Variants in TAS2R1 observed in about 807,000 individuals in gnomAD.
TAS2R1 encodes taste receptor type 2 member 1.
For synonymous variants in TAS2R1, 141 were observed against 134.2 expected, an observed-to-expected ratio of 1.05 and a Z score of -0.35; for missense variants, 370 against 353.4, an observed-to-expected ratio of 1.05 and a Z score of -0.38.
intron 2 of TAS2R1, among the ~76,000 whole-genome samples, chr5:9,639,582 G>C (rs577971117): frequency 1.3e-5 from 2 of 152,278 alleles, no homozygotes; most frequent in East Asian, 3.9e-4. Flanking sequence ...CATGATGTGA[G>C]TCTCCACACA....
chr5:9,684,964 C>T (rs544849519), intron 1 of TAS2R1, among the ~76,000 whole-genome samples: 1 of 152,184 alleles, frequency 6.6e-6, no homozygotes, highest in South Asian at 2.1e-4. Context: ...CCTCCCCTGA[C>T]ACCCTCTGCT....
chr5:9,710,203 T>C (rs1331543889), intron 1 of TAS2R1, among the ~76,000 whole-genome samples: 1 of 151,778 alleles, frequency 6.6e-6, no homozygotes, highest in African/African-American at 2.4e-5. Context: ...TTGCCTGTCT[T>C]CTTTATGAGA....
the TAS2R1 span, among the ~76,000 whole-genome samples, chr5:9,771,110 G>A: frequency 0.027 from 4,085 of 152,242 alleles, 56 homozygotes; most frequent in Non-Finnish European, 0.033. Flanking sequence ...ATGAAGGGAT[G>A]TTTAATTTTA....
chr5:9,766,058 T>A, the TAS2R1 span, among the ~76,000 whole-genome samples: 171 of 152,342 alleles, frequency 1.1e-3, no homozygotes, highest in African/African-American at 4.1e-3. Context: ...AGATTTATTC[T>A]TCATTATCTC....
the TAS2R1 span, among the ~76,000 whole-genome samples, chr5:9,818,818 A>T: frequency 3.3e-5 from 5 of 152,300 alleles, no homozygotes; most frequent in African/African-American, 1.2e-4. Flanking sequence ...AAGATGTGGG[A>T]CACAAGGAGG....
intron 1 of TAS2R1, among the ~76,000 whole-genome samples, chr5:9,682,534 A>G (rs1741012446): frequency 6.6e-6 from 1 of 152,204 alleles, no homozygotes; most frequent in South Asian, 2.1e-4. Flanking sequence ...GACCCTGATG[A>G]AGAAATAAAT....
chr5:9,768,540 CA>C, the TAS2R1 span, among the ~76,000 whole-genome samples: 1 of 152,138 alleles, frequency 6.6e-6, no homozygotes, highest in Non-Finnish European at 1.5e-5. Context: ...TCTCCTCCAC[CA>C]GTCTCAGCCA....
chr5:9,696,440 T>C (rs934513936), intron 1 of TAS2R1, among the ~76,000 whole-genome samples: 5 of 151,964 alleles, frequency 3.3e-5, no homozygotes, highest in African/African-American at 1.2e-4. Flanking sequence ...CACGTGCCTG[T>C]AATCTCAGCT....
the TAS2R1 span, among the ~76,000 whole-genome samples, chr5:9,836,204 T>C: frequency 6.6e-6 from 1 of 151,952 alleles, no homozygotes; most frequent in African/African-American, 2.4e-5. Context: ...TCCCCAGCCA[T>C]GTGGAACTGT....
intron 1 of TAS2R1, among the ~76,000 whole-genome samples, chr5:9,677,002 A>G (rs1740889562): frequency 1.3e-5 from 2 of 152,220 alleles, no homozygotes; most frequent in Admixed American, 6.5e-5. Context: ...CATGGAATCA[A>G]CCTAAATGCC....
the TAS2R1 span, among the ~76,000 whole-genome samples, chr5:9,750,857 T>C: frequency 1.3e-5 from 2 of 152,100 alleles, no homozygotes; most frequent in East Asian, 1.9e-4. Flanking sequence ...TTATGCAATA[T>C]TGATTGGATG....
chr5:9,751,800 C>T, the TAS2R1 span, among the ~76,000 whole-genome samples: 1 of 152,164 alleles, frequency 6.6e-6, no homozygotes, highest in African/African-American at 2.4e-5. Flanking sequence ...ATTAGCAACT[C>T]TTAATGGACC....
At chr5:9,645,541 A>G (rs1740169582) in intron 2 of TAS2R1, 1 of 152,080 alleles carries the variant, frequency 6.6e-6, no homozygotes, top group African/African-American at 2.4e-5. Flanking sequence ...ACTCTCCTCC[A>G]CCCTTGTTTA....
rs1435961980 is a variant in TAS2R1, at chr5:9,627,473, T to C, written c.*1660A>G. On this transcript the variant is annotated 3_prime_UTR_variant, in exon 1 of 1. Coordinates refer to ENST00000382492, the MANE Select transcript of TAS2R1 (RefSeq NM_019599.3). ...TTATTAAAGCAGGAGTTGCATGAAA[T>C]AGAATCAGAATTTAGTATCAGAAAA... Among the ~76,000 whole-genome samples the C allele has an allele frequency of 6.6e-6, 1 of 152,094 alleles. No individual in the cohort carries two copies. The highest frequency in any genetic ancestry group is 1.5e-5 in the Non-Finnish European group (1 of 68,010).
chr5:9,677,170 C>T (rs1418096951), intron 1 of TAS2R1, among the ~76,000 whole-genome samples: 5 of 152,144 alleles, frequency 3.3e-5, no homozygotes, highest in African/African-American at 1.2e-4. Flanking sequence ...AAACCAAATA[C>T]TGCATGTTCT....
the TAS2R1 span, among the ~76,000 whole-genome samples, chr5:9,816,094 T>C: frequency 6.6e-6 from 1 of 152,188 alleles, no homozygotes; most frequent in Non-Finnish European, 1.5e-5. Flanking sequence ...TCTCAAGGAT[T>C]ATATGTCTTT....
intron 2 of TAS2R1, among the ~76,000 whole-genome samples, chr5:9,651,088 C>A (rs931709764): frequency 6.6e-6 from 1 of 152,136 alleles, no homozygotes; most frequent in Non-Finnish European, 1.5e-5. Flanking sequence ...CTGACAGACT[C>A]AGAGTATAAA....
At chr5:9,823,587 A>AAGGAGGGGAGGGGAAAGGAC in the TAS2R1 span, among the ~76,000 whole-genome samples, 2 of 138,532 alleles carry the variant, frequency 1.4e-5, no homozygotes, top group Non-Finnish European at 1.6e-5. Flanking sequence ...GGAAGGGAAA[A>AAGGAGGGGAGGGGAAAGGAC]AGGAGGGGAG....
chr5:9,732,312 A>G, the TAS2R1 span, among the ~76,000 whole-genome samples: 1 of 152,200 alleles, frequency 6.6e-6, no homozygotes, highest in Admixed American at 6.5e-5. Flanking sequence ...TGATAATACA[A>G]CTGGAAAGAT....
Sources: gnomAD v4.1 joint callset for allele counts (sites outside exome capture counted in the v4.1 genomes callset) on GRCh38, gnomAD v4.1.1 for gene constraint, MANE v1.5 for transcripts, NCBI Gene and HGNC (gene_info 2026-07-23, HGNC 2026-07-21) for gene names.